RBKS: variants seen among roughly 807,000 people sequenced by gnomAD.
RBKS encodes ribokinase.
In RBKS, 33 loss-of-function variants were observed where a neutral mutation model predicts 33.9. The ratio of observed to expected loss-of-function variants is 0.97; its 90% CI spans 0.74 to 1.30. The LOEUF is 1.30. Ranked by LOEUF, RBKS falls within the 50% of genes most tolerant of loss-of-function variation. RBKS has a pLI of 0.00. For missense variants in RBKS, 361 were observed against 392.6 expected, an observed-to-expected ratio of 0.92 and a Z score of 0.68; for synonymous variants, 125 against 143.0, an observed-to-expected ratio of 0.87 and a Z score of 0.90.
At chr2:27,861,672 G>C (rs191749638) in intron 1 of RBKS, 11 of 423,022 alleles carry the variant, frequency 2.6e-5, no homozygotes, top group East Asian at 8.8e-5. Context: ...TTGGGGGGGG[G>C]GTGGAGTCTC....
chr2:27,824,809 G>A (rs939459175), intron 7 of RBKS, among the ~76,000 whole-genome samples: 1 of 152,132 alleles, frequency 6.6e-6, no homozygotes, highest in African/African-American at 2.4e-5. Context: ...ATTATCTGAT[G>A]TTTCTGGCAA....
chr2:27,829,371 T>G (rs1260590771), intron 6 of RBKS, among the ~76,000 whole-genome samples: 1 of 148,302 alleles, frequency 6.7e-6, no homozygotes, highest in African/African-American at 2.5e-5. Flanking sequence ...GTGTTTTTTT[T>G]TTTTTTTTTT....
intron 1 of RBKS, among the ~76,000 whole-genome samples, chr2:27,864,152 G>C (rs1323760370): frequency 6.6e-6 from 1 of 151,536 alleles, no homozygotes; most frequent in Non-Finnish European, 1.5e-5. Context: ...TTGGCCTTCT[G>C]ATTAGCTAGG....
At chr2:27,815,548 T>C (rs75205844) in intron 7 of RBKS, among the ~76,000 whole-genome samples, 3 of 152,134 alleles carry the variant, frequency 2.0e-5, no homozygotes, top group Non-Finnish European at 4.4e-5. Context: ...CCTAGAAACA[T>C]TGTCACTCAA....
chr2:27,830,074 G>C (rs1678391648), intron 6 of RBKS, among the ~76,000 whole-genome samples: 1 of 152,138 alleles, frequency 6.6e-6, no homozygotes, highest in African/African-American at 2.4e-5. Flanking sequence ...AGCATATCAA[G>C]GGCTGAATGC....
In RBKS at chr2:27,789,005, A is replaced by G. The variant is rs563425520; in HGVS notation, c.796-7217T>C. ...AATTAATAAACTGATTTTAAAATGTATATGTAAATGGAAATGACCTAGAAT... is the reference window on the plus strand; with the variant it reads ...AATTAATAAACTGATTTTAAAATGTGTATGTAAATGGAAATGACCTAGAAT... On this transcript the variant is annotated intron_variant, in intron 7 of 7. Coordinates refer to ENST00000302188, the MANE Select transcript of RBKS (RefSeq NM_022128.3). Among the ~76,000 whole-genome samples the G allele has an allele frequency of 7.2e-5, 11 of 152,338 alleles. 2 individuals are homozygous for G. Among genetic ancestry groups the G allele is most frequent in the African/African-American group, 2.6e-4 (11 of 41,578 alleles).
intron 5 of RBKS, 69 bp downstream of exon 5, chr2:27,842,998 A>T: frequency 8.2e-7 from 1 of 1,226,572 alleles, no homozygotes; most frequent in Non-Finnish European, 1.1e-6. Flanking sequence ...TGCTTAACTT[A>T]AAAGGTTAAC....
intron 7 of RBKS, among the ~76,000 whole-genome samples, chr2:27,787,884 A>T (rs1210221985): frequency 6.6e-6 from 1 of 151,698 alleles, no homozygotes; most frequent in Non-Finnish European, 1.5e-5. Flanking sequence ...ATATATATAT[A>T]AAATATCTGA....
intron 7 of RBKS, among the ~76,000 whole-genome samples, chr2:27,812,927 G>C (rs918914577): frequency 2.0e-5 from 3 of 151,736 alleles, no homozygotes; most frequent in Non-Finnish European, 4.4e-5. Flanking sequence ...TTAAGGTATA[G>C]AGATAGACCT....
intron 7 of RBKS, among the ~76,000 whole-genome samples, chr2:27,801,197 G>A (rs1041448941): frequency 2.0e-5 from 3 of 152,146 alleles, no homozygotes; most frequent in African/African-American, 4.8e-5. Context: ...TTTGGAGGAC[G>A]TCTCTAGCAG....
In RBKS at chr2:27,856,698, C is replaced by T. The variant is rs149444482; in HGVS notation, c.222+1741G>A. Among the ~76,000 whole-genome samples the T allele has an allele frequency of 1.2e-3, 178 of 152,296 alleles. 1 individual carries two copies. Among genetic ancestry groups the T allele is most frequent in the African/African-American group, 4.2e-3 (176 of 41,578 alleles). ...TGTCTCCAGCTCTAGGAACTCCCCTCTTCCCAGCGAAGCCATTTTGGGTGC... is the reference window on the plus strand; with the variant it reads ...TGTCTCCAGCTCTAGGAACTCCCCTTTTCCCAGCGAAGCCATTTTGGGTGC... On this transcript the variant is annotated intron_variant, in intron 2 of 7. Coordinates refer to ENST00000302188, the MANE Select transcript of RBKS (RefSeq NM_022128.3).
chr2:27,888,928 TCAA>T (rs1664624794), intron 1 of RBKS, among the ~76,000 whole-genome samples: 2 of 152,246 alleles, frequency 1.3e-5, no homozygotes, highest in Non-Finnish European at 2.9e-5. Context: ...CCAACTAGAT[TCAA>T]TTTTATGCTC....
chr2:27,890,201 C>CGCACG lies in RBKS; in HGVS notation c.89+51_89+55dup. 1 of 1,547,354 alleles carries CGCACG rather than the reference C, an allele frequency of 6.5e-7. No individual in the cohort carries two copies. The highest frequency in any genetic ancestry group is 2.3e-5 in the East Asian group (1 of 44,156). On this transcript the variant is annotated intron_variant, in intron 1 of 7. Transcript: ENST00000302188. This position sits in a 1 kb window ranked among gnomAD's most constrained non-coding sequence, Gnocchi z 4.8. ...CCCAAAAGCTCCACTGGGCGCATAG[C>CGCACG]GCACGGCACGCCTCCTCCCCCGAGC...
intron 7 of RBKS, among the ~76,000 whole-genome samples, chr2:27,819,157 C>A (rs974458532): frequency 2.0e-5 from 3 of 152,094 alleles, no homozygotes; most frequent in African/African-American, 7.2e-5. Context: ...TTATTTCTCA[C>A]AGTTCTGGAG....
At chr2:27,826,911 T>TA (rs1678323900) in intron 7 of RBKS, among the ~76,000 whole-genome samples, 2 of 152,184 alleles carry the variant, frequency 1.3e-5, no homozygotes, top group South Asian at 4.1e-4. Flanking sequence ...CCAGCTCTGT[T>TA]ACCTACCAGC....
At chr2:27,839,025 C>A (rs1486649443) in intron 5 of RBKS, among the ~76,000 whole-genome samples, 1 of 152,162 alleles carries the variant, frequency 6.6e-6, no homozygotes, top group Non-Finnish European at 1.5e-5. Flanking sequence ...TAATTATTAG[C>A]TCAGAGAAAC....
intron 7 of RBKS, among the ~76,000 whole-genome samples, chr2:27,784,263 G>T (rs1234130685): frequency 6.6e-6 from 1 of 151,176 alleles, no homozygotes; most frequent in South Asian, 2.1e-4. Context: ...GATTACAGGC[G>T]TGAGCCACCG....
intron 7 of RBKS, among the ~76,000 whole-genome samples, chr2:27,816,668 G>A (rs764293045): frequency 4.0e-5 from 6 of 151,578 alleles, no homozygotes; most frequent in Non-Finnish European, 7.4e-5. Flanking sequence ...GGCTGGTCTC[G>A]GCTCACTGCA....
At chr2:27,877,071 A>G (rs536675068) in intron 1 of RBKS, among the ~76,000 whole-genome samples, 4 of 152,150 alleles carry the variant, frequency 2.6e-5, no homozygotes, top group Non-Finnish European at 4.4e-5. Flanking sequence ...CCTGGCTCCA[A>G]TCTTAATTAG....
Sources: gnomAD v4.1 joint callset for allele counts (sites outside exome capture counted in the v4.1 genomes callset) on GRCh38, gnomAD v4.1.1 for gene constraint, Gnocchi (gnomAD v3.1) non-coding constraint, MANE v1.5 for transcripts, NCBI Gene and HGNC (gene_info 2026-07-23, HGNC 2026-07-21) for gene names.